Variants in SPOCK1 observed in about 807,000 individuals in gnomAD.
SPOCK1 encodes the protein SPARC (osteonectin), cwcv and kazal like domains proteoglycan 1.
SPOCK1 carries 23 observed loss-of-function variants against 55.3 expected under a neutral mutation model. That is an observed-to-expected ratio of 0.42 (90% confidence interval 0.30 to 0.59). The LOEUF (loss-of-function observed/expected upper bound fraction) is 0.59, where lower values mean the gene tolerates loss of function less well. Among genes scored for constraint, SPOCK1 ranks in the 20% least tolerant of loss-of-function variants. SPOCK1 has a pLI of 0.22. For synonymous variants in SPOCK1, 226 were observed against 221.0 expected (o/e 1.02, Z -0.20); for missense variants, 499 against 552.5 (o/e 0.90, Z 0.97).
intron 2 of SPOCK1, among the ~76,000 whole-genome samples, chr5:137,490,183 C>T (rs1356324834): frequency 6.6e-6 from 1 of 152,194 alleles, no homozygotes; most frequent in Non-Finnish European, 1.5e-5. Context: ...TGGGTTTCTC[C>T]TAAGCCACAA....
intron 2 of SPOCK1, among the ~76,000 whole-genome samples, chr5:137,410,770 T>C (rs1282882250): frequency 6.6e-6 from 1 of 152,136 alleles, no homozygotes; most frequent in Non-Finnish European, 1.5e-5. Context: ...CACCACCCAA[T>C]GCACAGTCAG....
At chr5:137,166,810 T>C (rs182124427) in intron 3 of SPOCK1, among the ~76,000 whole-genome samples, 140 of 151,650 alleles carry the variant, frequency 9.2e-4, no homozygotes, top group Admixed American at 8.5e-4. Flanking sequence ...AAAAAACATA[T>C]GATGAATACA....
chr5:137,063,036 C>A (rs1752424036), intron 6 of SPOCK1, among the ~76,000 whole-genome samples: 1 of 112,672 alleles, frequency 8.9e-6, no homozygotes, highest in Non-Finnish European at 1.9e-5. Context: ...AGATCGAGAC[C>A]ATCCTGGCTA....
rs115119073 is a variant in SPOCK1, at chr5:137,232,820, A to G, written c.232+34190T>C. On this transcript the variant is annotated intron_variant, in intron 3 of 10. Coordinates refer to ENST00000394945, the MANE Select transcript of SPOCK1 (RefSeq NM_004598.4). Reference sequence around the variant, plus strand: ...TTAAGTCTCCAAATCCATTAACGAGATATGTCTTTCTGTTCATTCAGGTCT... The same window carrying G: ...TTAAGTCTCCAAATCCATTAACGAGGTATGTCTTTCTGTTCATTCAGGTCT... Among the ~76,000 whole-genome samples the G allele has an allele frequency of 4.1e-3, 627 of 152,306 alleles. 2 individuals carry two copies. Among genetic ancestry groups the G allele is most frequent in the African/African-American group, 0.015 (615 of 41,554 alleles).
chr5:137,438,739 A>G (rs1238447855), intron 2 of SPOCK1, among the ~76,000 whole-genome samples: 1 of 152,234 alleles, frequency 6.6e-6, no homozygotes, highest in African/African-American at 2.4e-5. Flanking sequence ...AAAGGAAGGT[A>G]GCATCTCTTC....
At chr5:137,055,623 C>T (rs2127000005) in intron 6 of SPOCK1, among the ~76,000 whole-genome samples, 1 of 152,334 alleles carries the variant, frequency 6.6e-6, no homozygotes, top group South Asian at 2.1e-4. Context: ...TCTCCAGATA[C>T]TCCCTCCTCT....
intron 2 of SPOCK1, among the ~76,000 whole-genome samples, chr5:137,489,518 A>T (rs1239599253): frequency 6.6e-6 from 1 of 152,194 alleles, no homozygotes; most frequent in African/African-American, 2.4e-5. Flanking sequence ...GGAAGGATTA[A>T]GTGGGGGACC....
At chr5:137,165,807 T>G (rs1323333191) in intron 3 of SPOCK1, among the ~76,000 whole-genome samples, 1 of 152,116 alleles carries the variant, frequency 6.6e-6, no homozygotes, top group African/African-American at 2.4e-5. Context: ...ATAGCAGAAT[T>G]GATCAAACAG....
intron 2 of SPOCK1, among the ~76,000 whole-genome samples, chr5:137,401,089 T>C (rs1034879821): frequency 6.6e-6 from 1 of 151,698 alleles, no homozygotes; most frequent in African/African-American, 2.4e-5. Flanking sequence ...AAATCCAACA[T>C]ACAACCAGAG....
intron 7 of SPOCK1, 114 bp from the exon 8 acceptor site, chr5:136,988,757 A>G: frequency 1.1e-6 from 1 of 877,088 alleles, no homozygotes; most frequent in South Asian, 2.2e-5. Context: ...TCCCTTCCTG[A>G]GGCTGTTTCC....
At chr5:137,254,435 G>A (rs1756596152) in intron 3 of SPOCK1, among the ~76,000 whole-genome samples, 1 of 152,112 alleles carries the variant, frequency 6.6e-6, no homozygotes, top group Non-Finnish European at 1.5e-5. Context: ...ACCTCCCCTT[G>A]ACCTCTCCAA....
chr5:137,471,724 G>A (rs879813729), intron 2 of SPOCK1, among the ~76,000 whole-genome samples: 2 of 152,040 alleles, frequency 1.3e-5, no homozygotes, highest in African/African-American at 2.4e-5. Context: ...TCAGACCCAC[G>A]GCAAAGTGCA....
chr5:137,248,507 T>C (rs1367504795), intron 3 of SPOCK1, among the ~76,000 whole-genome samples: 1 of 152,190 alleles, frequency 6.6e-6, no homozygotes, highest in Non-Finnish European at 1.5e-5. Flanking sequence ...CTCAGAACCA[T>C]TCATTGATCT....
chr5:137,452,477 T>C (rs1753275110), intron 2 of SPOCK1, among the ~76,000 whole-genome samples: 1 of 152,140 alleles, frequency 6.6e-6, no homozygotes, highest in Non-Finnish European at 1.5e-5. Flanking sequence ...TGCCACCTGG[T>C]AAAAGAAAAA....
intron 7 of SPOCK1, among the ~76,000 whole-genome samples, chr5:136,990,377 C>G (rs1444267681): frequency 6.6e-6 from 1 of 151,272 alleles, no homozygotes; most frequent in East Asian, 1.9e-4. Flanking sequence ...AAAAGACTGT[C>G]TTGTCCCCTT....
At chr5:137,259,073 C>T (rs552083886) in intron 3 of SPOCK1, among the ~76,000 whole-genome samples, 2 of 152,322 alleles carry the variant, frequency 1.3e-5, no homozygotes, top group East Asian at 3.9e-4. Flanking sequence ...TACTCCTTGG[C>T]CCTTTGCAAA....
At chr5:137,490,660 G>A (rs899232803) in intron 2 of SPOCK1, among the ~76,000 whole-genome samples, 20 of 152,164 alleles carry the variant, frequency 1.3e-4, no homozygotes, top group African/African-American at 4.3e-4. Context: ...GTTGCATAAC[G>A]GGGCTCCCAA....
intron 2 of SPOCK1, among the ~76,000 whole-genome samples, chr5:137,333,306 G>A (rs9327785): frequency 0.026 from 4,004 of 152,252 alleles, 157 homozygotes; most frequent in African/African-American, 0.09. Flanking sequence ...GAAGGCTTTT[G>A]GATAAAGGAG....
At chr5:137,143,587 T>C (rs560043102) in intron 3 of SPOCK1, among the ~76,000 whole-genome samples, 1 of 152,196 alleles carries the variant, frequency 6.6e-6, no homozygotes. Flanking sequence ...GTGGTTGTCA[T>C]GAACATTTAA....
Sources: allele counts gnomAD v4.1 joint callset (sites outside exome capture counted in the v4.1 genomes callset), GRCh38; gene constraint gnomAD v4.1.1; transcripts MANE v1.5; gene names NCBI Gene and HGNC (gene_info 2026-07-23, HGNC 2026-07-21).